Variants in SLC25A21 observed in about 807,000 individuals in gnomAD.
SLC25A21 encodes the protein solute carrier family 25 member 21.
In SLC25A21, 47 loss-of-function variants were observed where a neutral mutation model predicts 43.8. The observed-to-expected ratio is 1.07, with a 90% CI of 0.85 to 1.37. SLC25A21 has a LOEUF of 1.37. Ranked by LOEUF, SLC25A21 falls within the 40% of genes most tolerant of loss-of-function variation. The pLI, the probability that SLC25A21 is intolerant of heterozygous loss-of-function variation, is 0.00. For missense variants in SLC25A21, 352 were observed against 350.2 expected (o/e 1.00, Z -0.04); for synonymous variants, 131 against 121.3 (o/e 1.08, Z -0.52).
intron 2 of SLC25A21, among the ~76,000 whole-genome samples, chr14:36,833,479 G>A (rs1889105079): frequency 6.6e-6 from 1 of 152,164 alleles, no homozygotes; most frequent in Non-Finnish European, 1.5e-5. Context: ...AAACGCTTAG[G>A]AATAATGTTG....
chr14:36,727,404 T>C (rs1273711589), intron 5 of SLC25A21, among the ~76,000 whole-genome samples: 1 of 152,196 alleles, frequency 6.6e-6, no homozygotes, highest in African/African-American at 2.4e-5. Flanking sequence ...AAAGGAAGAA[T>C]GGGCCAGGTG....
chr14:36,785,535 C>T (rs1887217840), intron 3 of SLC25A21, among the ~76,000 whole-genome samples: 6 of 152,118 alleles, frequency 3.9e-5, no homozygotes, highest in Admixed American at 3.9e-4. Context: ...GAGCTTCTTA[C>T]CAGAAGGTGC....
At chr14:36,709,355 T>C (rs531330009) in intron 7 of SLC25A21, among the ~76,000 whole-genome samples, 19 of 152,318 alleles carry the variant, frequency 1.2e-4, no homozygotes, top group Admixed American at 3.3e-4. Context: ...GGCTCTGCAT[T>C]TGCATTCTTT....
intron 3 of SLC25A21, among the ~76,000 whole-genome samples, chr14:36,768,490 C>G (rs1180823322): frequency 1.3e-5 from 2 of 152,108 alleles, no homozygotes; most frequent in Non-Finnish European, 2.9e-5. Flanking sequence ...CTCACCCCAC[C>G]GTCGCCTCTT....
intron 1 of SLC25A21, among the ~76,000 whole-genome samples, chr14:37,162,645 G>A (rs1243051973): frequency 6.6e-6 from 1 of 152,152 alleles, no homozygotes; most frequent in African/African-American, 2.4e-5. Flanking sequence ...GAAACAACAG[G>A]TGCTGGAGAG....
intron 4 of SLC25A21, among the ~76,000 whole-genome samples, chr14:36,733,323 G>A (rs947029478): frequency 9.2e-5 from 14 of 152,130 alleles, no homozygotes; most frequent in African/African-American, 3.4e-4. Context: ...CTACTTTGGT[G>A]AACTTATTCC....
chr14:37,121,947 G>A (rs1195270423), intron 1 of SLC25A21, among the ~76,000 whole-genome samples: 1 of 135,308 alleles, frequency 7.4e-6, no homozygotes, highest in Non-Finnish European at 1.6e-5. Flanking sequence ...GTCCCCTAAT[G>A]CCCAGAGACA....
At chr14:36,836,301 C>T (rs1889206978) in intron 2 of SLC25A21, among the ~76,000 whole-genome samples, 1 of 152,312 alleles carries the variant, frequency 6.6e-6, no homozygotes, top group African/African-American at 2.4e-5. Context: ...TTGGCATTTG[C>T]TACAACCCAA....
intron 1 of SLC25A21, among the ~76,000 whole-genome samples, chr14:36,907,327 A>G (rs949557771): frequency 6.6e-6 from 1 of 152,114 alleles, no homozygotes; most frequent in Non-Finnish European, 1.5e-5. Flanking sequence ...TAAAGAGCAT[A>G]TATTTTTGGC....
At chr14:36,745,277 T>G (rs1885446830) in intron 3 of SLC25A21, among the ~76,000 whole-genome samples, 1 of 152,210 alleles carries the variant, frequency 6.6e-6, no homozygotes, top group South Asian at 2.1e-4. Flanking sequence ...AAGTCTTTGC[T>G]ATTGTGAATA....
intron 3 of SLC25A21, among the ~76,000 whole-genome samples, chr14:36,765,236 T>C (rs1886369364): frequency 6.6e-6 from 1 of 152,190 alleles, no homozygotes; most frequent in Non-Finnish European, 1.5e-5. Flanking sequence ...CCCTGGAGGA[T>C]GAGACTTCAT....
chr14:37,013,878 T>C (rs193103786), intron 1 of SLC25A21, among the ~76,000 whole-genome samples: 2 of 152,306 alleles, frequency 1.3e-5, no homozygotes, highest in Admixed American at 1.3e-4. Flanking sequence ...CATGAATTTT[T>C]TGGTTTCCCA....
At chr14:37,169,907 ATTT>A (rs960778297) in intron 1 of SLC25A21, among the ~76,000 whole-genome samples, 1 of 152,106 alleles carries the variant, frequency 6.6e-6, no homozygotes, top group Non-Finnish European at 1.5e-5. Context: ...CAACTATGCT[ATTT>A]TTTATCTTAT....
intron 1 of SLC25A21, among the ~76,000 whole-genome samples, chr14:37,111,888 T>C (rs1963026156): frequency 6.6e-6 from 1 of 152,196 alleles, no homozygotes; most frequent in South Asian, 2.1e-4. Flanking sequence ...AATGGAAAAC[T>C]AGTATAATCA....
At position 36,939,981 on chromosome 14, in the gene SLC25A21, T is replaced by TAGCA. The variant is rs529747959; in HGVS notation, c.71-64981_71-64978dup. Among the ~76,000 whole-genome samples, 1,374 of 152,284 alleles carry TAGCA rather than the reference T, an allele frequency of 9.0e-3. 14 individuals are homozygous for TAGCA. The highest frequency in any genetic ancestry group is 0.015 in the Non-Finnish European group (1,011 of 68,004). On this transcript the variant is annotated intron_variant, in intron 1 of 9. Transcript: ENST00000331299. The stretch of plus-strand genomic sequence containing the variant: ...TTGCTAAAGAGATCTTCGTCGTCAA[T>TAGCA]AGCAGTCTGCAGTGTACCAGAGCAG...
chr14:37,162,855 A>G (rs943323903), intron 1 of SLC25A21, among the ~76,000 whole-genome samples: 16 of 152,284 alleles, frequency 1.1e-4, no homozygotes, highest in South Asian at 6.2e-4. Flanking sequence ...TGTTTATTGC[A>G]GCACTATTCA....
Position 36,679,437 on chromosome 14 carries a change from T to TAA in SLC25A21, c.*1219_*1220dup. The TAA allele has an allele frequency of 1.0e-6, 1 of 985,174 alleles. No homozygotes were observed. Among genetic ancestry groups the TAA allele is most frequent in the Non-Finnish European group, 1.2e-6 (1 of 829,854 alleles). 61.0% of individuals were successfully genotyped at this position (985,174 alleles called of 1,614,324 possible). The stretch of plus-strand genomic sequence containing the variant: ...CCGTAGTAGAAATAGCCCACGGTAG[T>TAA]AACTTAGGACAGGTGTCATATGGAC... On this transcript the variant is annotated 3_prime_UTR_variant, in exon 10 of 10. Coordinates refer to ENST00000331299, the MANE Select transcript of SLC25A21 (RefSeq NM_030631.4).
chr14:37,172,186 G>T, intron 1 of SLC25A21, 95 bp downstream of exon 1: 2 of 1,282,168 alleles, frequency 1.6e-6, no homozygotes, highest in South Asian at 1.5e-5. Flanking sequence ...GAAGAGGGCA[G>T]AACTTCAGTA....
intron 1 of SLC25A21, among the ~76,000 whole-genome samples, chr14:37,112,359 A>C (rs190672757): frequency 7.5e-4 from 115 of 152,340 alleles, no homozygotes; most frequent in African/African-American, 2.5e-3. Context: ...AGAGGCAATA[A>C]GCACAAAAGA....
Sources: allele counts gnomAD v4.1 joint callset (sites outside exome capture counted in the v4.1 genomes callset), GRCh38; gene constraint gnomAD v4.1.1; transcripts MANE v1.5; gene names NCBI Gene and HGNC (gene_info 2026-07-23, HGNC 2026-07-21).